ECPAS: variants seen among roughly 807,000 people sequenced by gnomAD.
The protein encoded by ECPAS is Ecm29 proteasome adaptor and scaffold.
ECPAS carries 70 observed loss-of-function variants against 255.1 expected under a neutral mutation model. The ratio of observed to expected loss-of-function variants is 0.27; its 90% CI spans 0.23 to 0.33. ECPAS has a LOEUF of 0.33. Ranked by LOEUF, ECPAS falls within the 10% of genes least tolerant of loss-of-function variation. The pLI, the probability that ECPAS is intolerant of heterozygous loss-of-function variation, is 1.00. For synonymous variants in ECPAS, 784 were observed against 775.0 expected (o/e 1.01, Z -0.19); for missense variants, 1,817 against 2,206.4 (o/e 0.82, Z 3.54).
rs896548769 is a variant in ECPAS, at chr9:111,363,517, G to C, written c.5380+71C>G. 4.4e-6 allele frequency: 4 copies of C among 903,616 alleles called. No homozygotes were observed. In the Admixed American group the frequency reaches 8.1e-5, roughly 18 times the overall value. 56.0% of individuals were successfully genotyped at this position (903,616 alleles called of 1,614,324 possible). A position where few individuals can be genotyped will look rare whatever the true frequency, so the allele number is the denominator to read the frequency against. Reference sequence around the variant, plus strand: ...TATGCTTAAGAGTATAAGCAAAAACGAAACAAAAAATTTCTAAAACATATG... The same window carrying C: ...TATGCTTAAGAGTATAAGCAAAAACCAAACAAAAAATTTCTAAAACATATG... On this transcript the variant is annotated intron_variant, in intron 49 of 49. Coordinates refer to ENST00000684092, the MANE Select transcript of ECPAS (RefSeq NM_001364929.1).
intron 26 of ECPAS, 82 bp downstream of exon 26, chr9:111,394,078 T>G: frequency 2.3e-5 from 30 of 1,316,486 alleles, no homozygotes; most frequent in South Asian, 3.4e-5. Flanking sequence ...TATTGGTTAA[T>G]GACCTTCACC....
At chr9:111,392,192 A>G (rs980047004) in intron 28 of ECPAS, among the ~76,000 whole-genome samples, 5 of 152,226 alleles carry the variant, frequency 3.3e-5, no homozygotes, top group South Asian at 2.1e-4. Flanking sequence ...GTGAGCTGAC[A>G]TCGTGCCACT....
chr9:111,412,160 A>T lies in ECPAS; in HGVS notation c.2080-12T>A, dbSNP rs777736325. ...TTATTCATCAGACTCTGAGCAGTAT[A>T]AAAAAAAAACAAATATATACATGAC... On this transcript the variant is annotated splice_polypyrimidine_tract_variant and intron_variant, in intron 20 of 49. Coordinates refer to ENST00000684092, the MANE Select transcript of ECPAS (RefSeq NM_001364929.1). 4.3e-6 allele frequency: 6 copies of T among 1,384,140 alleles called. No individual in the cohort carries two copies. The highest frequency in any genetic ancestry group is 4.8e-6 in the Non-Finnish European group (5 of 1,044,546). The allele number at this position is 1,384,140 out of a possible 1,614,324, so 85.7% of individuals were successfully genotyped here. A position where few individuals can be genotyped will look rare whatever the true frequency, so the allele number is the denominator to read the frequency against.
chr9:111,366,604 T>G lies in ECPAS; in HGVS notation c.5137A>C (p.Lys1713Gln). 6.2e-7 allele frequency: 1 copy of G among 1,613,120 alleles called. No individual in the cohort carries two copies. Among genetic ancestry groups the G allele is most frequent in the Non-Finnish European group, 8.5e-7 (1 of 1,179,414 alleles). ...AGTTTTAGCCGTTCACACATCAGTTTGCACAGCTCCTGACGATAACAACCT... is the reference window on the plus strand; with the variant it reads ...AGTTTTAGCCGTTCACACATCAGTTGGCACAGCTCCTGACGATAACAACCT... The part of the protein sequence containing the change: ...TQRCYRQELC[K>Q]LMCERLKLST... Residue 1713 changes from lysine (K) to glutamine (Q), a missense_variant, in exon 47 of 50, where the codon AAA (lysine) becomes CAA (glutamine). Lys to Gln is a moderately conservative substitution (Grantham distance 53). Transcript: ENST00000684092.
chr9:111,451,544 G>A lies in ECPAS; in HGVS notation c.34C>T (p.Arg12Trp). 1.3e-6 allele frequency: 2 copies of A among 1,567,608 alleles called. No homozygotes were observed. Among genetic ancestry groups the A allele is most frequent in the South Asian group, 1.2e-5 (1 of 83,918 alleles). The change falls in exon 3 of 50, where the codon CGG becomes TGG. Residue 12 changes from arginine (R) to tryptophan (W), a missense_variant. Transcript: ENST00000684092. ...YHIDCRDQLE[R>W]VFLRLGHAET... ...GCATGGCCAAGTCGTAAAAAGACCCGTTCAAGCTGATCTATAATATAAAAA... is the reference window on the plus strand; with the variant it reads ...GCATGGCCAAGTCGTAAAAAGACCCATTCAAGCTGATCTATAATATAAAAA...
At chr9:111,448,915 T>A (rs1054699974) in intron 3 of ECPAS, among the ~76,000 whole-genome samples, 7 of 151,924 alleles carry the variant, frequency 4.6e-5, no homozygotes, top group African/African-American at 1.7e-4. Flanking sequence ...TAAGCTGAGG[T>A]CATTTTTGGT....
intron 30 of ECPAS, 26 bp from the exon 31 acceptor site, chr9:111,389,749 C>A: frequency 6.3e-7 from 1 of 1,582,682 alleles, no homozygotes; most frequent in South Asian, 1.2e-5. Flanking sequence ...TGAAGTGACT[C>A]AGATGCACCA....
chr9:111,462,279 C>G (rs750837512), intron 2 of ECPAS, among the ~76,000 whole-genome samples: 1 of 152,038 alleles, frequency 6.6e-6, no homozygotes, highest in Non-Finnish European at 1.5e-5. Flanking sequence ...AACTGTGGAG[C>G]TGGAAATAAC....
At position 111,397,045 on chromosome 9, in the gene ECPAS, A is replaced by G; in HGVS notation, c.2761T>C (p.Tyr921His). ...RDAWQMTEEE[Y>H]TPPAGAKVND... ...TATTTGGTACCAGCAGGTGGAGTAT[A>G]TTCCTCTTCAGTCATTTGCCAGGCA... The change falls in exon 25 of 50, where the codon TAT becomes CAT. Residue 921 changes from tyrosine to histidine, a missense_variant. Physicochemically the swap from Tyr to His is moderately conservative, Grantham distance 83. Transcript: ENST00000684092. 1 of 1,613,978 alleles carries G rather than the reference A, an allele frequency of 6.2e-7. No individual in the cohort carries two copies. Among genetic ancestry groups the G allele is most frequent in the East Asian group, 2.2e-5 (1 of 44,882 alleles).
intron 15 of ECPAS, among the ~76,000 whole-genome samples, chr9:111,421,174 T>C (rs72764778): frequency 0.021 from 3,254 of 152,278 alleles, 56 homozygotes; most frequent in Non-Finnish European, 0.035. Context: ...GCTTTCTGAA[T>C]GTATATAATA....
chr9:111,474,940 G>A (rs749272111), intron 1 of ECPAS, among the ~76,000 whole-genome samples: 6 of 152,114 alleles, frequency 3.9e-5, no homozygotes, highest in Non-Finnish European at 7.4e-5. Context: ...TCACACAGCC[G>A]TAGCACCCCC....
At chr9:111,410,766 A>T (rs1253150418) in intron 22 of ECPAS, among the ~76,000 whole-genome samples, 3 of 151,934 alleles carry the variant, frequency 2.0e-5, no homozygotes, top group African/African-American at 7.3e-5. Flanking sequence ...TCATCCTCCC[A>T]CCTTGGCCTC....
At chr9:111,422,314 C>G in intron 13 of ECPAS, 114 bp from the exon 14 acceptor site, 1 of 1,138,084 alleles carries the variant, frequency 8.8e-7, no homozygotes, top group Non-Finnish European at 1.3e-6. Context: ...ATGTCAGCAT[C>G]ATTACCCGCT....
Position 111,422,175 on chromosome 9 carries a change from C to T in ECPAS, c.1291G>A (p.Asp431Asn), listed in dbSNP as rs1407517741. The change falls in exon 14 of 50, where the codon GAT becomes AAT. Residue 431 changes from aspartate to asparagine, a missense_variant. Physicochemically the swap from Asp to Asn is conservative, Grantham distance 23. Transcript: ENST00000684092. ...SSRMPHLFTK[D>N]IALVQQLFEA... ...AAAAGCTGCTGCACAAGCGCTATAT[C>T]CTTAGTGAATAAATGTGGCATCCGA... 1 of 1,613,678 alleles carries T rather than the reference C, an allele frequency of 6.2e-7. No homozygotes were observed. Among genetic ancestry groups the T allele is most frequent in the Non-Finnish European group, 8.5e-7 (1 of 1,179,734 alleles).
chr9:111,376,228 G>T (rs1405607830), intron 37 of ECPAS, among the ~76,000 whole-genome samples: 1 of 152,138 alleles, frequency 6.6e-6, no homozygotes, highest in Non-Finnish European at 1.5e-5. Flanking sequence ...AATTTATAGA[G>T]AGCTCTTGAT....
intron 3 of ECPAS, among the ~76,000 whole-genome samples, chr9:111,448,135 T>A (rs1381760956): frequency 6.6e-6 from 1 of 152,200 alleles, no homozygotes; most frequent in African/African-American, 2.4e-5. Flanking sequence ...AAATATCACA[T>A]GTACCCCCAT....
At chr9:111,397,231 A>G in intron 24 of ECPAS, 78 bp from the exon 25 acceptor site, 1 of 1,566,392 alleles carries the variant, frequency 6.4e-7, no homozygotes, top group Non-Finnish European at 8.7e-7. Context: ...AAGCCTGCTT[A>G]AAAGTGTGGT....
In ECPAS at chr9:111,360,909, T is replaced by C. The variant is rs1332143110; in HGVS notation, c.*1121A>G. ...AAGCTACAGAGTTCTCAGTTTACCA[T>C]CAACACTAAGGTTTTACTTGTTTTT... On this transcript the variant is annotated 3_prime_UTR_variant, in exon 50 of 50. Transcript: ENST00000684092. The C allele has an allele frequency of 2.6e-5, 4 of 152,172 alleles. No homozygotes were observed. The highest frequency in any genetic ancestry group is 1.3e-4 in the Admixed American group (2 of 15,276). The allele number at this position is 152,172 out of a possible 1,614,324, so 9.4% of individuals were successfully genotyped here. A position where few individuals can be genotyped will look rare whatever the true frequency, so the allele number is the denominator to read the frequency against.
intron 37 of ECPAS, 145 bp from the exon 38 acceptor site, chr9:111,375,347 A>T: frequency 1.5e-6 from 1 of 655,338 alleles, no homozygotes; most frequent in South Asian, 1.8e-5. Flanking sequence ...CTCTGATTTC[A>T]ATATTAAAAC....
Sources: allele counts gnomAD v4.1 joint callset (sites outside exome capture counted in the v4.1 genomes callset), GRCh38; gene constraint gnomAD v4.1.1; transcripts MANE v1.5; gene names NCBI Gene and HGNC (gene_info 2026-07-23, HGNC 2026-07-21).